The following MEGF10 variants were observed in gnomAD, a reference collection of about 807,000 sequenced individuals.
The protein encoded by MEGF10 is multiple EGF like domains 10.
A neutral mutation model predicts 147.5 loss-of-function variants in MEGF10; 86 were observed. That is an observed-to-expected ratio of 0.58 (90% CI 0.49 to 0.70). The LOEUF is 0.70. Ranked by LOEUF, MEGF10 falls within the 30% of genes least tolerant of loss-of-function variation. The pLI is 0.00. For synonymous variants in MEGF10, 478 were observed against 525.5 expected (o/e 0.91, Z 1.24); for missense variants, 1,329 against 1,487.3 (o/e 0.89, Z 1.75).
chr5:127,457,988 A>G lies in MEGF10; in HGVS notation c.*670A>G, dbSNP rs1298719509. The stretch of plus-strand genomic sequence containing the variant: ...AATTATTTTAGAAATAGTAGGAAGT[A>G]TTGCAGAAGTCAATACACAAATGTG... On this transcript the variant is annotated 3_prime_UTR_variant, in exon 25 of 25. Transcript: ENST00000503335. The G allele has an allele frequency of 6.6e-6, 1 of 152,260 alleles. No homozygotes were observed. Among genetic ancestry groups the G allele is most frequent in the East Asian group, 1.9e-4 (1 of 5,202 alleles). The allele number at this position is 152,260 out of a possible 1,614,324, so 9.4% of individuals were successfully genotyped here. A position where few individuals can be genotyped will look rare whatever the true frequency, so the allele number is the denominator to read the frequency against.
the MEGF10 span, among the ~76,000 whole-genome samples, chr5:127,273,713 C>T: frequency 1.3e-5 from 2 of 152,138 alleles, no homozygotes; most frequent in Non-Finnish European, 2.9e-5. Flanking sequence ...TAAGGTCATA[C>T]ACACAGCTTC....
intron 1 of MEGF10, among the ~76,000 whole-genome samples, chr5:127,321,174 C>T (rs191376925): frequency 3.3e-5 from 5 of 152,308 alleles, no homozygotes; most frequent in Admixed American, 2.6e-4. Flanking sequence ...CAAATGAGCT[C>T]TGTGATCATG....
chr5:127,360,371 T>G (rs1321714529), intron 4 of MEGF10, among the ~76,000 whole-genome samples: 3 of 152,036 alleles, frequency 2.0e-5, no homozygotes, highest in Non-Finnish European at 4.4e-5. Flanking sequence ...TTTTAGTAGT[T>G]TTTTTGTAAA....
intron 4 of MEGF10, among the ~76,000 whole-genome samples, chr5:127,355,895 C>G (rs953844032): frequency 6.6e-6 from 1 of 151,454 alleles, no homozygotes; most frequent in Non-Finnish European, 1.5e-5. Flanking sequence ...CCCATGGAGA[C>G]AGGGTCAAAA....
At position 127,371,688 on chromosome 5, in the gene MEGF10, A is replaced by G. The variant is rs551802977; in HGVS notation, c.412+1686A>G. ...TTGTGTAAGCAAAACAAAAGCCTAC[A>G]TGGGTTTCAGACTCTCTAGAACTGA... On this transcript the variant is annotated intron_variant, in intron 5 of 24. Transcript: ENST00000503335. Among the ~76,000 whole-genome samples, 26 of 152,304 alleles carry G rather than the reference A, an allele frequency of 1.7e-4. No homozygotes were observed. In the East Asian group the frequency reaches 5.0e-3, roughly 29 times the overall value.
intron 1 of MEGF10, among the ~76,000 whole-genome samples, chr5:127,318,162 G>A (rs1222430227): frequency 6.6e-6 from 1 of 152,124 alleles, no homozygotes; most frequent in African/African-American, 2.4e-5. Flanking sequence ...CAAGGAGAAG[G>A]TACCATCTAT....
chr5:127,329,376 A>G (rs537671122), intron 1 of MEGF10, among the ~76,000 whole-genome samples: 68 of 152,054 alleles, frequency 4.5e-4, no homozygotes, highest in Non-Finnish European at 9.0e-4. Context: ...CAAGTCAAAC[A>G]TTTTCTTTTA....
the MEGF10 span, among the ~76,000 whole-genome samples, chr5:127,247,040 A>C: frequency 8.1e-6 from 1 of 123,446 alleles, no homozygotes; most frequent in Non-Finnish European, 1.7e-5. Flanking sequence ...TGAATGACCT[A>C]AAGTTCCCTG....
chr5:127,377,679 T>G (rs1763085181), intron 5 of MEGF10, among the ~76,000 whole-genome samples: 1 of 152,178 alleles, frequency 6.6e-6, no homozygotes, highest in Non-Finnish European at 1.5e-5. Context: ...TTGAAGGATA[T>G]TATGAGCCAG....
intron 1 of MEGF10, among the ~76,000 whole-genome samples, chr5:127,298,138 C>T (rs745559217): frequency 6.6e-6 from 1 of 152,112 alleles, no homozygotes; most frequent in Non-Finnish European, 1.5e-5. Context: ...TGTTAAACAT[C>T]CTTGCTTTCT....
At chr5:127,303,648 C>T (rs1026371712) in intron 1 of MEGF10, among the ~76,000 whole-genome samples, 2 of 152,128 alleles carry the variant, frequency 1.3e-5, no homozygotes, top group African/African-American at 4.8e-5. Flanking sequence ...CATTTCCTGC[C>T]CTCCTGGAGT....
chr5:127,440,281 C>A (rs930280841), intron 17 of MEGF10, among the ~76,000 whole-genome samples: 7 of 152,268 alleles, frequency 4.6e-5, no homozygotes, highest in Admixed American at 4.6e-4. Flanking sequence ...ATAACAGATA[C>A]AGTGGACAAG....
chr5:127,301,059 T>C (rs889898428), intron 1 of MEGF10, among the ~76,000 whole-genome samples: 2 of 152,220 alleles, frequency 1.3e-5, no homozygotes, highest in African/African-American at 4.8e-5. Context: ...ATCTCTCTTA[T>C]GGTCTAATAG....
At position 127,433,495 on chromosome 5, in the gene MEGF10, C is replaced by T; in HGVS notation, c.1826C>T (p.Thr609Ile). 1 of 1,607,794 alleles carries T rather than the reference C, an allele frequency of 6.2e-7. No homozygotes were observed. The highest frequency in any genetic ancestry group is 1.1e-5 in the South Asian group (1 of 89,838). The change falls in exon 14 of 25, where the codon ACC becomes ATC. Residue 609 changes from threonine to isoleucine, a missense_variant. Physicochemically the swap from Thr to Ile is moderately conservative, Grantham distance 89. Transcript: ENST00000503335. ...ICECAPGFRG[T>I]TCQRICSPGF... ...GAGTGTGCACCAGGCTTCCGAGGCA[C>T]CACTTGTCAGAGGAGTAAGTGTCTC...
At chr5:127,351,491 G>A (rs373034799) in intron 4 of MEGF10, among the ~76,000 whole-genome samples, 8 of 151,904 alleles carry the variant, frequency 5.3e-5, no homozygotes, top group South Asian at 2.1e-4. Flanking sequence ...GTAGTTTTGC[G>A]GCTACAGGGA....
Position 127,449,165 on chromosome 5 carries a change from G to T in MEGF10, c.2923G>T (p.Asp975Tyr). Residue 975 changes from aspartate (D) to tyrosine (Y), a missense_variant, in exon 22 of 25, where the codon GAC becomes TAC. Physicochemically the swap from Asp to Tyr is radical, Grantham distance 160. Transcript: ENST00000503335. ...CCCTGGGAAGAGAGGCCCTGTGGGG[G>T]ACTGCACTGGGACATTGCCGGCTGA... ...VNPGKRGPVG[D>Y]CTGTLPADWK... is the part of the protein sequence containing the mutation. 3 of 1,614,072 alleles carry T rather than the reference G, an allele frequency of 1.9e-6. No individual in the cohort carries two copies. The highest frequency in any genetic ancestry group is 1.1e-5 in the South Asian group (1 of 91,066).
the MEGF10 span, among the ~76,000 whole-genome samples, chr5:127,276,128 C>A: frequency 6.6e-6 from 1 of 152,176 alleles, no homozygotes; most frequent in Non-Finnish European, 1.5e-5. Context: ...AGTCAAAGCA[C>A]TGCACTTAGT....
chr5:127,395,299 T>C (rs987973649), intron 5 of MEGF10, among the ~76,000 whole-genome samples: 4 of 152,094 alleles, frequency 2.6e-5, no homozygotes, highest in African/African-American at 9.7e-5. Context: ...GCAGCCGCTC[T>C]TTCTTTTCTT....
rs1283834369 is a variant in MEGF10 at position 127,310,010 on chromosome 5, CTTTCTTTTTTTCTTTCT to C, written c.-19+18957_-19+18973del. Among the ~76,000 whole-genome samples the C allele has an allele frequency of 6.6e-4, 29 of 43,890 alleles. 3 individuals carry two copies. Among genetic ancestry groups the C allele is most frequent in the African/African-American group, 2.0e-3 (23 of 11,632 alleles). 28.8% of individuals were successfully genotyped at this position (43,890 alleles called of 152,430 possible). A position where few individuals can be genotyped will look rare whatever the true frequency, so the allele number is the denominator to read the frequency against. On this transcript the variant is annotated intron_variant, in intron 1 of 24. Coordinates refer to ENST00000503335, the MANE Select transcript of MEGF10 (RefSeq NM_001256545.2). ...CTTTCTTTCTTTCCTTCCTTCCTTC[CTTTCTTTTTTTCTTTCT>C]TTCTTTCCTTCTTTCTTTATTTCTT...
Sources: gnomAD v4.1 joint callset for allele counts (sites outside exome capture counted in the v4.1 genomes callset) on GRCh38, gnomAD v4.1.1 for gene constraint, MANE v1.5 for transcripts, NCBI Gene and HGNC (gene_info 2026-07-23, HGNC 2026-07-21) for gene names.